Variants in CWF19L1 observed in about 807,000 individuals in gnomAD.
CWF19L1 encodes the protein CWF19-like protein 1.
A neutral mutation model predicts 69.7 loss-of-function variants in CWF19L1; 60 were observed. The observed-to-expected ratio is 0.86, with a 90% CI of 0.70 to 1.07. CWF19L1 has a LOEUF of 1.07. CWF19L1 is among the 50% of genes least tolerant of loss of function. The pLI is 0.00. For synonymous variants in CWF19L1, 209 were observed against 222.2 expected (o/e 0.94, Z 0.53); for missense variants, 591 against 638.9 (o/e 0.92, Z 0.81).
At position 100,260,224 on chromosome 10, in the gene CWF19L1, A is replaced by G; in HGVS notation, c.283T>C (p.Tyr95His). ...ACAACAAGTATCAGCTTACCCAGAT[A>G]AGTAATGTTTTCAGCTAATTCACAT... ...DGCELAENIT[Y>H]LGRKGIFTGS... The change falls in exon 4 of 14, where the codon TAT (tyrosine) becomes CAT (histidine). Residue 95 changes from tyrosine to histidine, a missense_variant. By Grantham distance (83) the Tyr-to-His change is moderately conservative (BLOSUM62 2). Around this residue, in one of 3 missense-constraint regions of CWF19L1, gnomAD observed 129 missense variants for 131.3 expected, o/e 0.98. Coordinates refer to ENST00000354105, the MANE Select transcript of CWF19L1 (RefSeq NM_018294.6). 1 of 1,593,702 alleles carries G rather than the reference A, an allele frequency of 6.3e-7. No homozygotes were observed. Among genetic ancestry groups the G allele is most frequent in the Non-Finnish European group, 8.6e-7 (1 of 1,165,652 alleles).
intron 11 of CWF19L1, chr10:100,237,401 C>T (rs572783471): frequency 2.5e-6 from 1 of 397,198 alleles, no homozygotes; most frequent in African/African-American, 2.1e-5. Context: ...GGCCTCCACA[C>T]AAAATACTCA....
intron 1 of CWF19L1, among the ~76,000 whole-genome samples, chr10:100,263,823 T>C (rs1847482134): frequency 6.6e-6 from 1 of 152,258 alleles, no homozygotes; most frequent in Non-Finnish European, 1.5e-5. Flanking sequence ...ACTATTCCTC[T>C]GTCATCACTC....
At chr10:100,261,891 G>A in intron 2 of CWF19L1, 88 bp downstream of exon 2, 1 of 1,140,834 alleles carries the variant, frequency 8.8e-7, no homozygotes, top group African/African-American at 1.6e-5. Flanking sequence ...AATGGTATGT[G>A]TTCAATCAAG....
At chr10:100,250,120 G>C (rs1014532401) in intron 7 of CWF19L1, 128 bp downstream of exon 7, 2 of 704,218 alleles carry the variant, frequency 2.8e-6, no homozygotes, top group Admixed American at 2.3e-5. Context: ...CTTTACAAAG[G>C]AGTCTCCGAA....
chr10:100,260,723 A>T (rs983076074), intron 3 of CWF19L1, among the ~76,000 whole-genome samples: 1 of 152,100 alleles, frequency 6.6e-6, no homozygotes, highest in African/African-American at 2.4e-5. Context: ...CGGTTTCACC[A>T]TGTTGGCCAG....
chr10:100,240,710 C>A (rs1846607919), intron 10 of CWF19L1, among the ~76,000 whole-genome samples: 1 of 152,168 alleles, frequency 6.6e-6, no homozygotes, highest in Non-Finnish European at 1.5e-5. Context: ...AATCTCTTAT[C>A]TCCTGCGTGT....
At chr10:100,253,352 A>T in intron 6 of CWF19L1, 69 bp downstream of exon 6, 1 of 922,402 alleles carries the variant, frequency 1.1e-6, no homozygotes, top group East Asian at 2.4e-5. Context: ...AAAAACGAAC[A>T]AGAGAAGTTT....
intron 7 of CWF19L1, chr10:100,249,134 ACT>A: frequency 2.4e-6 from 1 of 424,476 alleles, no homozygotes; most frequent in Non-Finnish European, 4.4e-6. Context: ...GATTCTTAAC[ACT>A]GTCTTCCTTC....
Position 100,253,518 on chromosome 10 carries a change from A to AT in CWF19L1, c.525dup (p.Cys176MetfsTer28). ...AGACTGGAAACCAAAGCAGAACCAC[A>AT]TTTTTTGGTATCCACTTCTCCCTAG... is the stretch of plus-strand genomic sequence containing the variant. On this transcript the variant is annotated frameshift_variant, in exon 6 of 14. Coordinates refer to ENST00000354105, the MANE Select transcript of CWF19L1 (RefSeq NM_018294.6). LOFTEE classifies it high-confidence loss of function. 1 of 1,613,224 alleles carries AT rather than the reference A, an allele frequency of 6.2e-7. No individual in the cohort carries two copies. Among genetic ancestry groups the AT allele is most frequent in the Non-Finnish European group, 8.5e-7 (1 of 1,179,218 alleles).
chr10:100,243,801 G>T, intron 9 of CWF19L1, 24 bp from the exon 10 acceptor site: 1 of 1,594,184 alleles, frequency 6.3e-7, no homozygotes, highest in Non-Finnish European at 8.6e-7. Flanking sequence ...AAAGCCAGGT[G>T]TTACTATGGT....
At chr10:100,248,882 C>A in intron 7 of CWF19L1, 1 of 1,005,954 alleles carries the variant, frequency 9.9e-7, no homozygotes. Flanking sequence ...CAGAAAAAGG[C>A]AGCCATCATC....
rs1009043614 is a variant in CWF19L1 at position 100,267,370 on chromosome 10, G to A, written c.23+201C>T. The stretch of plus-strand genomic sequence containing the variant: ...CCTCTCCGAACGAGCGTCGCCAAGA[G>A]AAACCCCCTCAGAAGCGAAAAGGGC... On this transcript the variant is annotated intron_variant, in intron 1 of 13. Coordinates refer to ENST00000354105, the MANE Select transcript of CWF19L1 (RefSeq NM_018294.6). The A allele has an allele frequency of 4.2e-6, 4 of 961,776 alleles. No homozygotes were observed. In the African/African-American group the frequency reaches 5.3e-5, roughly 13 times the overall value. 59.6% of individuals were successfully genotyped at this position (961,776 alleles called of 1,614,324 possible).
At chr10:100,258,866 G>C (rs1847298520) in intron 4 of CWF19L1, among the ~76,000 whole-genome samples, 1 of 142,156 alleles carries the variant, frequency 7.0e-6, no homozygotes, top group Non-Finnish European at 1.5e-5. Flanking sequence ...AGAGAAATAA[G>C]ACCAACAAGG....
At chr10:100,241,852 CTCT>C (rs1353633030) in intron 10 of CWF19L1, among the ~76,000 whole-genome samples, 2 of 152,174 alleles carry the variant, frequency 1.3e-5, no homozygotes, top group African/African-American at 2.4e-5. Flanking sequence ...ACCAAATCAC[CTCT>C]TATTAGGCCC....
Position 100,261,968 on chromosome 10 carries a change from A to C in CWF19L1, c.108+11T>G. ...AGGTAAAATTAAATTCAGTAAAAAC[A>C]AACATCTTACATCAAAGTTTCCACT... On this transcript the variant is annotated intron_variant, in intron 2 of 13. Transcript: ENST00000354105. 6.3e-7 allele frequency: 1 copy of C among 1,589,008 alleles called. No homozygotes were observed. Among genetic ancestry groups the C allele is most frequent in the Non-Finnish European group, 8.5e-7 (1 of 1,172,074 alleles).
intron 1 of CWF19L1, 174 bp downstream of exon 1, chr10:100,267,397 A>G (rs2134335556): frequency 1.0e-6 from 1 of 982,818 alleles, no homozygotes; most frequent in Non-Finnish European, 1.2e-6. Context: ...GAAAAGGGCC[A>G]GGAAAAGAGG....
At chr10:100,247,268 C>T (rs1846857493) in intron 7 of CWF19L1, among the ~76,000 whole-genome samples, 1 of 152,222 alleles carries the variant, frequency 6.6e-6, no homozygotes, top group South Asian at 2.1e-4. Context: ...TGAAGACAAA[C>T]TGCTTCTGTC....
intron 10 of CWF19L1, 93 bp downstream of exon 10, chr10:100,243,605 T>C (rs1846706337): frequency 9.1e-7 from 1 of 1,093,714 alleles, no homozygotes; most frequent in Non-Finnish European, 1.4e-6. Flanking sequence ...CACTTAAACA[T>C]GGGTAAATGT....
At position 100,235,650 on chromosome 10, in the gene CWF19L1, A is replaced by G; in HGVS notation, c.1472+17T>C. On this transcript the variant is annotated intron_variant, in intron 13 of 13. Transcript: ENST00000354105. ...AGCAGGTCTAGTGAAAATACATTGAAAAGAAGAAAAACATACCTTCCAAAC... is the reference window on the plus strand; with the variant it reads ...AGCAGGTCTAGTGAAAATACATTGAGAAGAAGAAAAACATACCTTCCAAAC... 6.4e-7 allele frequency: 1 copy of G among 1,570,698 alleles called. No individual in the cohort carries two copies. The highest frequency in any genetic ancestry group is 8.7e-7 in the Non-Finnish European group (1 of 1,143,780).
Sources: allele counts gnomAD v4.1 joint callset (sites outside exome capture counted in the v4.1 genomes callset), GRCh38; gene constraint gnomAD v4.1.1; regional missense constraint gnomAD v4.1.1; transcripts MANE v1.5; gene names NCBI Gene and HGNC (gene_info 2026-07-23, HGNC 2026-07-21).